CELF2: variants seen among roughly 807,000 people sequenced by gnomAD.
The protein encoded by CELF2 is CUG triplet repeat RNA-binding protein 2.
CELF2 carries 8 observed loss-of-function variants against 62.6 expected under a neutral mutation model. The ratio of observed to expected loss-of-function variants is 0.13; its 90% CI spans 0.07 to 0.23. CELF2 has a LOEUF of 0.23. Ranked by LOEUF, CELF2 falls within the 10% of genes least tolerant of loss-of-function variation. The pLI is 1.00. For missense variants in CELF2, 333 were observed against 671.0 expected (o/e 0.50, Z 5.56); for synonymous variants, 258 against 250.0 (o/e 1.03, Z -0.30).
At chr10:11,131,619 T>C (rs1248065113) in intron 1 of CELF2, among the ~76,000 whole-genome samples, 1 of 152,204 alleles carries the variant, frequency 6.6e-6, no homozygotes, top group Non-Finnish European at 1.5e-5. Context: ...GCTACGTTAG[T>C]ATGGATCCAT....
rs144118621 is a variant in CELF2 at position 11,184,894 on chromosome 10, G to A, written c.271+19212G>A. Among the ~76,000 whole-genome samples, 43 of 152,134 alleles carry A rather than the reference G, an allele frequency of 2.8e-4. 1 individual carries two copies. The East Asian group carries it at 7.2e-3, about 25-fold the overall frequency. ...TGTCTTTTCTTGCCTGCTTGCACTG[G>A]CCAAAACGTCCACTATGGAGGTGAA... On this transcript the variant is annotated intron_variant, in intron 2 of 12. Transcript: ENST00000633077.
chr10:10,546,242 A>G, the CELF2 span, among the ~76,000 whole-genome samples: 5 of 152,226 alleles, frequency 3.3e-5, no homozygotes, highest in African/African-American at 1.2e-4. Context: ...GTTAATTCAC[A>G]GTGCAGGATA....
At chr10:11,025,559 C>A (rs1593381255) in intron 1 of CELF2, among the ~76,000 whole-genome samples, 1 of 152,150 alleles carries the variant, frequency 6.6e-6, no homozygotes, top group Non-Finnish European at 1.5e-5. Flanking sequence ...GAGGTCTCCC[C>A]AGTCATGCTT....
At chr10:10,775,958 T>A in the CELF2 span, among the ~76,000 whole-genome samples, 1 of 152,380 alleles carries the variant, frequency 6.6e-6, no homozygotes, top group African/African-American at 2.4e-5. Context: ...CTCACTGTGC[T>A]GCCTTGTCAC....
intron 1 of CELF2, among the ~76,000 whole-genome samples, chr10:10,875,040 G>C (rs2133486620): frequency 6.6e-6 from 1 of 152,296 alleles, no homozygotes; most frequent in East Asian, 1.9e-4. Context: ...GGGGGTTTAG[G>C]AAAGTGTAGG....
At chr10:11,187,544 T>C (rs777813882) in intron 2 of CELF2, among the ~76,000 whole-genome samples, 1 of 149,424 alleles carries the variant, frequency 6.7e-6, no homozygotes, top group Non-Finnish European at 1.5e-5. Context: ...TGATAAAGTT[T>C]GGTTTAGGTC....
At chr10:11,052,199 G>A (rs1243407146) in intron 1 of CELF2, among the ~76,000 whole-genome samples, 3 of 152,120 alleles carry the variant, frequency 2.0e-5, no homozygotes, top group African/African-American at 7.2e-5. Context: ...GCCTCCCAAA[G>A]TGTGGGGATT....
At position 10,966,372 on chromosome 10, in the gene CELF2, A is replaced by G. The variant is rs148791229; in HGVS notation, c.89+46373A>G. Among the ~76,000 whole-genome samples, 4 of 152,284 alleles carry G rather than the reference A, an allele frequency of 2.6e-5. No homozygotes were observed. In the East Asian group the frequency reaches 7.7e-4, roughly 29 times the overall value. ...GCTCGGGGATAGCTGTGTGCCCTGT[A>G]ATATAAATGGCTGAGGATATTTTTG... On this transcript the variant is annotated intron_variant, in intron 2 of 13. Transcript: ENST00000636488.
Position 11,192,000 on chromosome 10 carries a change from A to G in CELF2, c.272-25425A>G, listed in dbSNP as rs906172353. Among the ~76,000 whole-genome samples the G allele has an allele frequency of 6.6e-6, 1 of 152,194 alleles. No individual in the cohort carries two copies. Among genetic ancestry groups the G allele is most frequent in the African/African-American group, 2.4e-5 (1 of 41,442 alleles). ...TTTTATGGGTTATTGCTGTTTTCCC[A>G]GAATAGCCAATTAGTATTGAGGAAG... is the stretch of plus-strand genomic sequence containing the variant. On this transcript the variant is annotated intron_variant, in intron 2 of 12. Coordinates refer to ENST00000633077, the MANE Select transcript of CELF2 (RefSeq NM_001326342.2). The surrounding 1 kb of genome is among the most constrained non-coding windows in gnomAD (Gnocchi z 4.1).
chr10:10,908,214 A>G (rs372468125), intron 1 of CELF2, among the ~76,000 whole-genome samples: 1 of 83,738 alleles, frequency 1.2e-5, no homozygotes. Context: ...GTATGAGGGG[A>G]TTTTTTTTTT....
chr10:10,650,228 A>G, the CELF2 span, among the ~76,000 whole-genome samples: 1 of 152,200 alleles, frequency 6.6e-6, no homozygotes, highest in Non-Finnish European at 1.5e-5. Context: ...GCAGAACAAA[A>G]AGGCCCCCAT....
At chr10:10,582,233 A>G in the CELF2 span, among the ~76,000 whole-genome samples, 139 of 152,194 alleles carry the variant, frequency 9.1e-4, 1 homozygote, top group African/African-American at 3.2e-3. Context: ...TATTTTAACT[A>G]GTTTATGTCA....
At chr10:11,009,026 C>T (rs147366360) in intron 1 of CELF2, among the ~76,000 whole-genome samples, 2 of 139,070 alleles carry the variant, frequency 1.4e-5, no homozygotes, top group Non-Finnish European at 3.1e-5. Flanking sequence ...GGGGAGCATT[C>T]CTGATTCATA....
the CELF2 span, among the ~76,000 whole-genome samples, chr10:10,661,302 A>G: frequency 5.3e-5 from 8 of 152,214 alleles, no homozygotes; most frequent in African/African-American, 1.9e-4. Context: ...TCTCAGCAAG[A>G]TATCATTGAG....
rs976688378 is a variant in CELF2 at position 11,214,841 on chromosome 10, C to T, written c.272-2584C>T. 3.3e-5 allele frequency among the ~76,000 whole-genome samples: 5 copies of T among 152,158 alleles called. No homozygotes were observed. The highest frequency in any genetic ancestry group is 9.7e-5 in the African/African-American group (4 of 41,424). On this transcript the variant is annotated intron_variant, in intron 2 of 12. Coordinates refer to ENST00000633077, the MANE Select transcript of CELF2 (RefSeq NM_001326342.2). The surrounding 1 kb of genome is among the most constrained non-coding windows in gnomAD (Gnocchi z 4.2). ...TGTAGTGATAAGTGACTGACTTCAC[C>T]GTACTAGTTGTAAAGGCAGAGTGGA...
chr10:10,843,377 C>T (rs2058808710), intron 1 of CELF2, among the ~76,000 whole-genome samples: 5 of 151,958 alleles, frequency 3.3e-5, no homozygotes, highest in Admixed American at 2.6e-4. Flanking sequence ...AATTTCATAA[C>T]CTAGAATCAG....
At chr10:10,848,986 C>T (rs2059199609) in intron 1 of CELF2, among the ~76,000 whole-genome samples, 4 of 152,194 alleles carry the variant, frequency 2.6e-5, no homozygotes, top group Admixed American at 2.6e-4. Flanking sequence ...TCTCACTATC[C>T]TGGACTCCCC....
intron 1 of CELF2, among the ~76,000 whole-genome samples, chr10:11,070,135 A>G (rs1232837046): frequency 1.3e-5 from 2 of 152,102 alleles, no homozygotes; most frequent in Non-Finnish European, 1.5e-5. Flanking sequence ...GTAAAAAAAT[A>G]AAAGAGGTCC....
chr10:11,271,515 C>A (rs929215326), intron 7 of CELF2, among the ~76,000 whole-genome samples: 1 of 152,142 alleles, frequency 6.6e-6, no homozygotes, highest in African/African-American at 2.4e-5. Context: ...AGCTTGAGAG[C>A]GGCGTTTGTA....
Sources: gnomAD v4.1 joint callset for allele counts (sites outside exome capture counted in the v4.1 genomes callset) on GRCh38, gnomAD v4.1.1 for gene constraint, Gnocchi (gnomAD v3.1) non-coding constraint, MANE v1.5 for transcripts, NCBI Gene and HGNC (gene_info 2026-07-23, HGNC 2026-07-21) for gene names.